ARFGEF1: variants seen among roughly 807,000 people sequenced by gnomAD.
The protein encoded by ARFGEF1 is brefeldin A-inhibited guanine nucleotide-exchange protein 1.
In ARFGEF1, 42 loss-of-function variants were observed where a neutral mutation model predicts 231.0. The observed-to-expected ratio is 0.18, with a 90% CI of 0.14 to 0.24. The LOEUF (loss-of-function observed/expected upper bound fraction) is 0.24. Ranked by LOEUF, ARFGEF1 falls within the 10% of genes least tolerant of loss-of-function variation. The probability of loss-of-function intolerance (pLI) is 1.00; values close to 1 mark genes in which losing one functional copy is unlikely to be tolerated. For synonymous variants in ARFGEF1, 710 were observed against 732.3 expected (o/e 0.97, Z 0.49); for missense variants, 1,345 against 2,192.0 (o/e 0.61, Z 7.72).
At chr8:67,286,782 C>T (rs567219796) in intron 7 of ARFGEF1, among the ~76,000 whole-genome samples, 2 of 152,196 alleles carry the variant, frequency 1.3e-5, no homozygotes, top group South Asian at 4.2e-4. Flanking sequence ...AATCTCATGG[C>T]TTCACTATTA....
In ARFGEF1 at chr8:67,319,447, A is replaced by C. The variant is rs567523469; in HGVS notation, c.125-16981T>G. Among the ~76,000 whole-genome samples the C allele has an allele frequency of 3.9e-5, 6 of 152,174 alleles. No individual in the cohort carries two copies. In the East Asian group the frequency reaches 1.2e-3, roughly 29 times the overall value. Reference sequence around the variant, plus strand: ...TTTGACAAAAGTACAAGTGCAATTCAATGGAGAAAGGATAATCTTTTCAAC... The same window carrying C: ...TTTGACAAAAGTACAAGTGCAATTCCATGGAGAAAGGATAATCTTTTCAAC... On this transcript the variant is annotated intron_variant, in intron 1 of 38. Coordinates refer to ENST00000262215, the MANE Select transcript of ARFGEF1 (RefSeq NM_006421.5).
intron 1 of ARFGEF1, among the ~76,000 whole-genome samples, chr8:67,306,608 C>T (rs1301480957): frequency 6.6e-6 from 1 of 152,080 alleles, no homozygotes; most frequent in African/African-American, 2.4e-5. Context: ...TATATGGATT[C>T]AACAAATTCT....
chr8:67,275,843 A>G, intron 9 of ARFGEF1, 133 bp downstream of exon 9: 1 of 1,016,926 alleles, frequency 9.8e-7, no homozygotes, highest in Non-Finnish European at 1.4e-6. Context: ...AACGTAAAAT[A>G]CCTCCCCTCC....
intron 14 of ARFGEF1, among the ~76,000 whole-genome samples, chr8:67,260,217 T>A (rs16933219): frequency 0.016 from 2,461 of 152,292 alleles, 69 homozygotes; most frequent in African/African-American, 0.057. Context: ...CAGTGGGAAA[T>A]TAGACTATGA....
chr8:67,299,672 G>A (rs974788388), intron 3 of ARFGEF1, among the ~76,000 whole-genome samples: 26 of 152,130 alleles, frequency 1.7e-4, no homozygotes, highest in African/African-American at 4.6e-4. Context: ...TGTGCTGGGC[G>A]CAGTGGCTCA....
intron 17 of ARFGEF1, among the ~76,000 whole-genome samples, chr8:67,255,933 T>C (rs546634093): frequency 6.6e-6 from 1 of 152,266 alleles, no homozygotes; most frequent in Non-Finnish European, 1.5e-5. Context: ...AAAAGGAATT[T>C]TTAATATTTC....
intron 1 of ARFGEF1, 86 bp downstream of exon 1, chr8:67,343,078 G>GC (rs1178688518): frequency 7.2e-7 from 1 of 1,381,504 alleles, no homozygotes; most frequent in Non-Finnish European, 9.6e-7. Context: ...CCTCGGGCAA[G>GC]CCCCGGGCGA....
downstream of ARFGEF1, among the ~76,000 whole-genome samples, chr8:67,194,773 C>CAGAT (rs2129576379): frequency 6.6e-6 from 1 of 150,620 alleles, no homozygotes; most frequent in African/African-American, 2.4e-5. Context: ...AAGTAAAATA[C>CAGAT]AGATAGAAGT....
At chr8:67,251,511 A>G (rs1840282841) in intron 18 of ARFGEF1, 61 bp from the exon 19 acceptor site, 2 of 1,417,486 alleles carry the variant, frequency 1.4e-6, no homozygotes, top group Admixed American at 4.9e-5. Flanking sequence ...CTATTTTGAT[A>G]TTTTACTATC....
intron 1 of ARFGEF1, among the ~76,000 whole-genome samples, chr8:67,306,965 G>A (rs894450796): frequency 2.0e-5 from 3 of 152,208 alleles, no homozygotes; most frequent in Non-Finnish European, 2.9e-5. Flanking sequence ...TTTTAGTAGA[G>A]ACGAGGTTTC....
downstream of ARFGEF1, chr8:67,193,356 C>CAA: frequency 3.1e-6 from 3 of 957,168 alleles, no homozygotes; most frequent in South Asian, 1.7e-5. Context: ...CTCGGCTTCC[C>CAA]AAAGTGCTGG....
At chr8:67,202,690 T>C (rs1838374531) in intron 36 of ARFGEF1, among the ~76,000 whole-genome samples, 1 of 152,222 alleles carries the variant, frequency 6.6e-6, no homozygotes, top group Admixed American at 6.5e-5. Flanking sequence ...CACTCTGAGC[T>C]CTGGCCACTC....
rs759761278 is a variant in ARFGEF1 at position 67,296,397 on chromosome 8, T to C, written c.639+34A>G. ...CTTTCTATGTTTAATGCCTGTTGTG[T>C]TCTATACAACCTCTCTCTTCTTAAA... On this transcript the variant is annotated intron_variant, in intron 5 of 38. Coordinates refer to ENST00000262215, the MANE Select transcript of ARFGEF1 (RefSeq NM_006421.5). The C allele has an allele frequency of 1.1e-5, 17 of 1,602,004 alleles. No homozygotes were observed. The Admixed American group carries it at 1.5e-4, about 14-fold the overall frequency.
chr8:67,221,128 C>T (rs184115702), intron 29 of ARFGEF1, among the ~76,000 whole-genome samples: 13 of 152,262 alleles, frequency 8.5e-5, no homozygotes, highest in Admixed American at 8.5e-4. Flanking sequence ...CTGGTGTAAA[C>T]AAACCTACTG....
At chr8:67,215,605 A>G (rs1838899490) in intron 33 of ARFGEF1, among the ~76,000 whole-genome samples, 1 of 152,194 alleles carries the variant, frequency 6.6e-6, no homozygotes. Context: ...CTATGGATAG[A>G]TGGTGGCAGA....
chr8:67,335,320 T>C (rs1424370338), intron 1 of ARFGEF1, among the ~76,000 whole-genome samples: 1 of 152,016 alleles, frequency 6.6e-6, no homozygotes, highest in Non-Finnish European at 1.5e-5. Context: ...TTAGCCAGGA[T>C]GGTCTCGATC....
chr8:67,271,025 C>CAAA (rs36063944), intron 10 of ARFGEF1, among the ~76,000 whole-genome samples: 2 of 36,084 alleles, frequency 5.5e-5, no homozygotes, highest in South Asian at 1.2e-3. Context: ...ACTCCATCTC[C>CAAA]AAAAAAAAAA....
intron 4 of ARFGEF1, 106 bp downstream of exon 4, chr8:67,299,103 G>A: frequency 9.0e-7 from 1 of 1,111,786 alleles, no homozygotes; most frequent in South Asian, 1.8e-5. Context: ...CTGTATTATA[G>A]CTGGAATGCA....
intron 1 of ARFGEF1, among the ~76,000 whole-genome samples, chr8:67,332,043 C>A (rs1366530762): frequency 1.3e-5 from 2 of 151,670 alleles, no homozygotes; most frequent in African/African-American, 4.8e-5. Flanking sequence ...AACATGTCCC[C>A]AAACTCAAAA....
Sources: gnomAD v4.1 joint callset for allele counts (sites outside exome capture counted in the v4.1 genomes callset) on GRCh38, gnomAD v4.1.1 for gene constraint, MANE v1.5 for transcripts, NCBI Gene and HGNC (gene_info 2026-07-23, HGNC 2026-07-21) for gene names.